The following CCDC85A variants were observed in gnomAD, a reference collection of about 807,000 sequenced individuals.
CCDC85A encodes coiled-coil domain-containing protein 85A.
In CCDC85A, 38 loss-of-function variants were observed where a neutral mutation model predicts 50.2. The ratio of observed to expected loss-of-function variants is 0.76; its 90% CI spans 0.58 to 0.99. The LOEUF (loss-of-function observed/expected upper bound fraction) is 0.99. CCDC85A is among the 50% of genes least tolerant of loss of function. The probability of loss-of-function intolerance (pLI) is 0.00; values close to 1 mark genes in which losing one functional copy is unlikely to be tolerated. For synonymous variants in CCDC85A, 366 were observed against 301.4 expected, an observed-to-expected ratio of 1.21 and a Z score of -2.22; for missense variants, 820 against 742.0, an observed-to-expected ratio of 1.11 and a Z score of -1.22.
At chr2:56,368,812 A>G (rs1478138915) in intron 3 of CCDC85A, among the ~76,000 whole-genome samples, 1 of 151,900 alleles carries the variant, frequency 6.6e-6, no homozygotes, top group East Asian at 1.9e-4. Flanking sequence ...GTACATATAT[A>G]TTTTTATATA....
At chr2:56,257,193 C>T (rs1332305859) in intron 2 of CCDC85A, among the ~76,000 whole-genome samples, 10 of 152,048 alleles carry the variant, frequency 6.6e-5, no homozygotes, top group Admixed American at 5.2e-4. Context: ...CGTTTCAGTC[C>T]CTGACATAAG....
chr2:56,190,333 A>C (rs919882867), intron 1 of CCDC85A, among the ~76,000 whole-genome samples: 1 of 152,166 alleles, frequency 6.6e-6, no homozygotes, highest in Non-Finnish European at 1.5e-5. Context: ...CTGTATGCAT[A>C]AATGGAGAAT....
intron 2 of CCDC85A, among the ~76,000 whole-genome samples, chr2:56,255,756 T>A (rs1669957257): frequency 6.6e-6 from 1 of 152,012 alleles, no homozygotes. Context: ...GGGGTTTTTG[T>A]TGTTGTTGTT....
intron 3 of CCDC85A, among the ~76,000 whole-genome samples, chr2:56,356,790 C>T (rs1675251888): frequency 2.0e-5 from 3 of 150,350 alleles, no homozygotes; most frequent in Admixed American, 1.3e-4. Flanking sequence ...GAGCCCTAGG[C>T]CGGGCACGAT....
At chr2:56,371,437 C>T (rs902358567) in intron 3 of CCDC85A, among the ~76,000 whole-genome samples, 2 of 152,052 alleles carry the variant, frequency 1.3e-5, no homozygotes, top group African/African-American at 4.8e-5. Flanking sequence ...TATTTTCAGT[C>T]TTCTAAAGTC....
chr2:56,264,812 A>T (rs1167304555), intron 2 of CCDC85A, among the ~76,000 whole-genome samples: 1 of 151,162 alleles, frequency 6.6e-6, no homozygotes, highest in Non-Finnish European at 1.5e-5. Context: ...GCTCCACCTC[A>T]CTCATTCCTC....
chr2:56,260,590 C>T (rs1204568466), intron 2 of CCDC85A, among the ~76,000 whole-genome samples: 3 of 152,156 alleles, frequency 2.0e-5, no homozygotes, highest in Non-Finnish European at 4.4e-5. Flanking sequence ...GCCTGTTGAG[C>T]AGGGCAGGGC....
rs1325449507 is a variant in CCDC85A, at chr2:56,375,874, C to T, written c.1511C>T (p.Ala504Val). 2.5e-6 allele frequency: 4 copies of T among 1,613,816 alleles called. No homozygotes were observed. The highest frequency in any genetic ancestry group is 3.4e-6 in the Non-Finnish European group (4 of 1,179,790). The change falls in exon 5 of 6, where the codon GCT becomes GTT. Residue 504 changes from alanine (A) to valine (V), a missense_variant. Transcript: ENST00000407595. ...DGSNSSPNSA[A>V]SFSGHATPSQ... is the part of the protein sequence containing the mutation. Reference sequence around the variant, plus strand: ...AGTAACAGTTCACCCAACTCTGCAGCTAGCTTCAGTGGACATGCCACACCT... The same window carrying T: ...AGTAACAGTTCACCCAACTCTGCAGTTAGCTTCAGTGGACATGCCACACCT...
chr2:56,249,944 G>A (rs553012023), intron 2 of CCDC85A, among the ~76,000 whole-genome samples: 14 of 152,222 alleles, frequency 9.2e-5, no homozygotes, highest in Admixed American at 8.5e-4. Context: ...TATTTAAATG[G>A]CTTCATTGCC....
intron 2 of CCDC85A, among the ~76,000 whole-genome samples, chr2:56,312,478 A>G (rs1428002232): frequency 1.3e-5 from 2 of 152,180 alleles, no homozygotes; most frequent in African/African-American, 2.4e-5. Context: ...GGCCCTTTGT[A>G]TAATCAGTAT....
chr2:56,188,102 A>G (rs1044270514), intron 1 of CCDC85A, among the ~76,000 whole-genome samples: 1 of 152,214 alleles, frequency 6.6e-6, no homozygotes, highest in Admixed American at 6.5e-5. Context: ...TTAACCTTTT[A>G]AAAGTCCACT....
intron 5 of CCDC85A, among the ~76,000 whole-genome samples, chr2:56,380,929 A>C (rs1676555904): frequency 6.6e-6 from 1 of 152,102 alleles, no homozygotes; most frequent in East Asian, 1.9e-4. Flanking sequence ...TCTCTATCCT[A>C]TCAGGATGTG....
At chr2:56,248,897 C>T (rs558818602) in intron 2 of CCDC85A, among the ~76,000 whole-genome samples, 1 of 152,204 alleles carries the variant, frequency 6.6e-6, no homozygotes, top group East Asian at 1.9e-4. Context: ...TAGTATGATG[C>T]CAAAATCCAT....
intron 2 of CCDC85A, among the ~76,000 whole-genome samples, chr2:56,214,802 G>T (rs1427627035): frequency 6.6e-6 from 1 of 151,984 alleles, no homozygotes; most frequent in East Asian, 1.9e-4. Flanking sequence ...TACAGAAATT[G>T]GGTTGTGTGA....
chr2:56,224,056 T>G (rs1334237423), intron 2 of CCDC85A, among the ~76,000 whole-genome samples: 1 of 152,224 alleles, frequency 6.6e-6, no homozygotes, highest in Non-Finnish European at 1.5e-5. Context: ...CAAGTGACTT[T>G]AGAACATTTT....
chr2:56,240,967 G>A (rs752266841), intron 2 of CCDC85A, among the ~76,000 whole-genome samples: 1 of 152,054 alleles, frequency 6.6e-6, no homozygotes. Context: ...CAAATTGGAT[G>A]CACCATTTTA....
intron 2 of CCDC85A, among the ~76,000 whole-genome samples, chr2:56,247,032 A>G (rs1369017252): frequency 6.6e-6 from 1 of 152,240 alleles, no homozygotes; most frequent in Non-Finnish European, 1.5e-5. Flanking sequence ...ATTTTCACTC[A>G]ATGATATTTT....
intron 2 of CCDC85A, among the ~76,000 whole-genome samples, chr2:56,276,893 C>T (rs192797460): frequency 9.9e-5 from 15 of 152,282 alleles, no homozygotes; most frequent in Admixed American, 3.9e-4. Flanking sequence ...AGCCAGGCAT[C>T]GTCTGTTCCA....
chr2:56,325,742 T>C (rs552824603), intron 2 of CCDC85A, among the ~76,000 whole-genome samples: 1 of 152,248 alleles, frequency 6.6e-6, no homozygotes, highest in Non-Finnish European at 1.5e-5. Context: ...AGTTGGGTTG[T>C]AAGAAGCTTG....
Sources: gnomAD v4.1 joint callset for allele counts (sites outside exome capture counted in the v4.1 genomes callset) on GRCh38, gnomAD v4.1.1 for gene constraint, MANE v1.5 for transcripts, NCBI Gene and HGNC (gene_info 2026-07-23, HGNC 2026-07-21) for gene names.